The following ARHGAP42 variants were observed in gnomAD, a reference collection of about 807,000 sequenced individuals.
The protein encoded by ARHGAP42 is rho GTPase-activating protein 42.
ARHGAP42 carries 63 observed loss-of-function variants against 125.0 expected under a neutral mutation model. The ratio of observed to expected loss-of-function variants is 0.50; its 90% confidence interval spans 0.41 to 0.62. The LOEUF (loss-of-function observed/expected upper bound fraction) is 0.62, where lower values mean the gene tolerates loss of function less well. ARHGAP42 is among the 20% of genes least tolerant of loss of function. The probability of loss-of-function intolerance (pLI) is 0.00; values close to 1 mark genes in which losing one functional copy is unlikely to be tolerated. For missense variants in ARHGAP42, 766 were observed against 1,024.2 expected (o/e 0.75, Z 3.44); for synonymous variants, 339 against 351.0 (o/e 0.97, Z 0.38).
At chr11:100,846,648 C>T (rs1279935070) in intron 3 of ARHGAP42, among the ~76,000 whole-genome samples, 1 of 152,070 alleles carries the variant, frequency 6.6e-6, no homozygotes, top group African/African-American at 2.4e-5. Flanking sequence ...CAAAAATACT[C>T]ATAATCTGGA....
In ARHGAP42 at chr11:100,834,162, C is replaced by T. The variant is rs1476397942; in HGVS notation, c.313-25392C>T. On this transcript the variant is annotated intron_variant, in intron 3 of 23. Coordinates refer to ENST00000298815, the MANE Select transcript of ARHGAP42 (RefSeq NM_152432.4). Reference sequence around the variant, plus strand: ...ACATTCTTAAGATGATTAGTATCCCCATTCTGTGGCTGACAAGATTTACAC... The same window carrying T: ...ACATTCTTAAGATGATTAGTATCCCTATTCTGTGGCTGACAAGATTTACAC... Among the ~76,000 whole-genome samples the T allele has an allele frequency of 2.6e-5, 4 of 152,192 alleles. No homozygotes were observed. The East Asian group carries it at 7.7e-4, about 29-fold the overall frequency.
At chr11:100,934,915 A>G (rs1419891397) in intron 7 of ARHGAP42, among the ~76,000 whole-genome samples, 1 of 152,198 alleles carries the variant, frequency 6.6e-6, no homozygotes, top group Admixed American at 6.5e-5. Flanking sequence ...TTGTTTTTCC[A>G]TATGGAATGT....
rs990431076 is a variant in ARHGAP42 at position 100,943,998 on chromosome 11, CTT to C, written c.1043+132_1043+133del. 22 of 599,936 alleles carry C rather than the reference CTT, an allele frequency of 3.7e-5. No individual in the cohort carries two copies. In the African/African-American group the frequency reaches 3.7e-4, roughly 10 times the overall value. 37.2% of individuals were successfully genotyped at this position (599,936 alleles called of 1,614,324 possible). A position where few individuals can be genotyped will look rare whatever the true frequency, so the allele number is the denominator to read the frequency against. On this transcript the variant is annotated intron_variant, in intron 10 of 23. Coordinates refer to ENST00000298815, the MANE Select transcript of ARHGAP42 (RefSeq NM_152432.4). ...TAAAAAACAGTATACATGTTTATCT[CTT>C]TCTTTCATGTTGTTATTACATGATG...
At chr11:100,859,349 C>T in intron 3 of ARHGAP42, 1 of 426,904 alleles carries the variant, frequency 2.3e-6, no homozygotes, top group Non-Finnish European at 4.1e-6. Flanking sequence ...GTATTTTTCA[C>T]ATTGTTGTTA....
intron 1 of ARHGAP42, among the ~76,000 whole-genome samples, chr11:100,697,461 C>T (rs968459295): frequency 6.6e-6 from 1 of 152,166 alleles, no homozygotes; most frequent in African/African-American, 2.4e-5. Flanking sequence ...GGATTACAGG[C>T]GTGAGCCACC....
chr11:100,726,063 G>A (rs924366463), intron 1 of ARHGAP42, among the ~76,000 whole-genome samples: 11 of 132,976 alleles, frequency 8.3e-5, no homozygotes, highest in Non-Finnish European at 1.6e-4. Context: ...GCACCTGGGA[G>A]AAAGACCTTG....
At chr11:100,833,008 A>G (rs1013113793) in intron 3 of ARHGAP42, among the ~76,000 whole-genome samples, 4 of 152,204 alleles carry the variant, frequency 2.6e-5, no homozygotes, top group Non-Finnish European at 5.9e-5. Flanking sequence ...TGGGTTTTGT[A>G]TCCTGTAAAT....
intron 1 of ARHGAP42, among the ~76,000 whole-genome samples, chr11:100,732,951 A>C (rs912724369): frequency 6.6e-6 from 1 of 152,234 alleles, no homozygotes; most frequent in African/African-American, 2.4e-5. Context: ...TTAATTAGCC[A>C]GCTCCAAAAT....
At chr11:100,984,931 G>T (rs1858636131) in intron 22 of ARHGAP42, among the ~76,000 whole-genome samples, 2 of 152,178 alleles carry the variant, frequency 1.3e-5, no homozygotes, top group Non-Finnish European at 2.9e-5. Context: ...GCTCTCTGCA[G>T]AGTTAACACC....
chr11:100,933,082 T>C, intron 6 of ARHGAP42, 74 bp from the exon 7 acceptor site: 1 of 984,966 alleles, frequency 1.0e-6, no homozygotes, highest in Non-Finnish European at 1.5e-6. Flanking sequence ...AAATATAATT[T>C]TCTCCCTATT....
intron 3 of ARHGAP42, among the ~76,000 whole-genome samples, chr11:100,829,760 A>G (rs1864622344): frequency 6.6e-6 from 1 of 152,208 alleles, no homozygotes; most frequent in Non-Finnish European, 1.5e-5. Context: ...TGATTATTAT[A>G]AATTGTTTCT....
chr11:100,933,106 T>C (rs892678948), intron 6 of ARHGAP42, 50 bp from the exon 7 acceptor site: 4 of 1,256,752 alleles, frequency 3.2e-6, no homozygotes, highest in Middle Eastern at 5.4e-4. Context: ...TATCATTAAA[T>C]GATCATTAAA....
chr11:100,954,320 A>T (rs1232827413), intron 12 of ARHGAP42, among the ~76,000 whole-genome samples: 2 of 152,216 alleles, frequency 1.3e-5, no homozygotes, highest in Non-Finnish European at 2.9e-5. Context: ...AGTAAGAAAA[A>T]GGAAGTTCTT....
intron 3 of ARHGAP42, among the ~76,000 whole-genome samples, chr11:100,811,709 A>G (rs1230692872): frequency 6.6e-6 from 1 of 151,946 alleles, no homozygotes; most frequent in Non-Finnish European, 1.5e-5. Flanking sequence ...CATGTTAGCC[A>G]GGCTAGTTTC....
chr11:100,933,619 G>A (rs1867645875), intron 7 of ARHGAP42, among the ~76,000 whole-genome samples: 1 of 152,016 alleles, frequency 6.6e-6, no homozygotes, highest in Non-Finnish European at 1.5e-5. Flanking sequence ...ATACACAGAT[G>A]GTAACTGTGG....
At chr11:100,717,925 A>AG (rs1861694415) in intron 1 of ARHGAP42, among the ~76,000 whole-genome samples, 1 of 151,536 alleles carries the variant, frequency 6.6e-6, no homozygotes, top group African/African-American at 2.4e-5. Context: ...CTCTGCCTTA[A>AG]AAAAAAAAAA....
intron 2 of ARHGAP42, among the ~76,000 whole-genome samples, chr11:100,778,221 T>G (rs531925049): frequency 1.3e-3 from 192 of 152,184 alleles, no homozygotes; most frequent in African/African-American, 4.5e-3. Flanking sequence ...GCCATGAGAT[T>G]CTTCTTGGGC....
chr11:100,970,392 C>T (rs1858208369), intron 17 of ARHGAP42, among the ~76,000 whole-genome samples: 1 of 152,136 alleles, frequency 6.6e-6, no homozygotes, highest in Non-Finnish European at 1.5e-5. Context: ...GACATGACCA[C>T]AGTCACCCAG....
chr11:100,828,093 C>T (rs1335058621), intron 3 of ARHGAP42, among the ~76,000 whole-genome samples: 2 of 152,172 alleles, frequency 1.3e-5, no homozygotes, highest in African/African-American at 4.8e-5. Flanking sequence ...TGGCTCTTAA[C>T]ATTCCAGGGG....
Sources: gnomAD v4.1 joint callset for allele counts (sites outside exome capture counted in the v4.1 genomes callset) on GRCh38, gnomAD v4.1.1 for gene constraint, MANE v1.5 for transcripts, NCBI Gene and HGNC (gene_info 2026-07-23, HGNC 2026-07-21) for gene names.